INPP4B: variants seen among roughly 807,000 people sequenced by gnomAD.
INPP4B encodes the protein inositol polyphosphate-4-phosphatase type II B, also known as inositol polyphosphate 4-phosphatase type II.
In INPP4B, 55 loss-of-function variants were observed where a neutral mutation model predicts 122.5. That is an observed-to-expected ratio of 0.45 (90% CI 0.36 to 0.56). INPP4B has a LOEUF of 0.56. Among genes scored for constraint, INPP4B ranks in the 20% least tolerant of loss-of-function variants. INPP4B has a pLI of 0.00. For synonymous variants in INPP4B, 403 were observed against 388.7 expected (o/e 1.04, Z -0.43); for missense variants, 1,000 against 1,097.7 (o/e 0.91, Z 1.26).
At chr4:142,644,905 C>CAAAAAA (rs72460445) in intron 2 of INPP4B, among the ~76,000 whole-genome samples, 10 of 66,142 alleles carry the variant, frequency 1.5e-4, no homozygotes, top group Admixed American at 8.4e-4. Flanking sequence ...GACTCCATCT[C>CAAAAAA]AAAAAAAAAA....
intron 2 of INPP4B, among the ~76,000 whole-genome samples, chr4:142,564,789 G>T (rs1731274431): frequency 6.6e-6 from 1 of 152,050 alleles, no homozygotes; most frequent in African/African-American, 2.4e-5. Flanking sequence ...GGGAATGGGA[G>T]GAGTCCAGTA....
chr4:142,754,109 G>A (rs986901292), intron 1 of INPP4B, among the ~76,000 whole-genome samples: 3 of 152,024 alleles, frequency 2.0e-5, no homozygotes, highest in Non-Finnish European at 4.4e-5. Context: ...GATGCCAATT[G>A]TGCTTGTTTC....
chr4:142,369,121 G>T (rs1788732917), intron 7 of INPP4B, among the ~76,000 whole-genome samples: 1 of 151,998 alleles, frequency 6.6e-6, no homozygotes, highest in East Asian at 1.9e-4. Context: ...AGTATCCAGG[G>T]GTTACACTTG....
chr4:142,415,846 CT>C (rs960842549), intron 5 of INPP4B, among the ~76,000 whole-genome samples: 2 of 152,052 alleles, frequency 1.3e-5, no homozygotes, highest in African/African-American at 4.8e-5. Flanking sequence ...AGTTCATGTC[CT>C]TTGTAGGGAC....
At chr4:142,671,011 A>G (rs889178566) in intron 2 of INPP4B, among the ~76,000 whole-genome samples, 2 of 152,088 alleles carry the variant, frequency 1.3e-5, no homozygotes, top group Non-Finnish European at 1.5e-5. Flanking sequence ...AAGCAAGACT[A>G]CCCTAATCTT....
chr4:142,279,072 T>A (rs1421545513), intron 9 of INPP4B, among the ~76,000 whole-genome samples: 1 of 151,944 alleles, frequency 6.6e-6, no homozygotes, highest in Non-Finnish European at 1.5e-5. Context: ...ATAAATAAAA[T>A]GTTTAGGAGT....
chr4:142,283,367 G>A (rs554310925), intron 9 of INPP4B, among the ~76,000 whole-genome samples: 2 of 152,198 alleles, frequency 1.3e-5, no homozygotes, highest in South Asian at 2.1e-4. Flanking sequence ...ATTATCATTA[G>A]GTCGTTGGAT....
chr4:142,522,424 T>C (rs539123306), intron 2 of INPP4B, among the ~76,000 whole-genome samples: 1 of 145,018 alleles, frequency 6.9e-6, no homozygotes, highest in African/African-American at 2.6e-5. Context: ...CACAGAGCAC[T>C]GCAGCTTTGA....
At chr4:142,644,278 G>T (rs531514388) in intron 2 of INPP4B, among the ~76,000 whole-genome samples, 2 of 147,628 alleles carry the variant, frequency 1.4e-5, no homozygotes, top group African/African-American at 5.0e-5. Context: ...GAGGAGGAGT[G>T]GGGGAGGAGG....
At position 142,537,419 on chromosome 4, in the gene INPP4B, TATATATATATAGAGAGAGAGAGAG is replaced by T. The variant is rs1175684256; in HGVS notation, c.-190-74717_-190-74694del. 6.2e-3 allele frequency among the ~76,000 whole-genome samples: 323 copies of T among 52,154 alleles called. 4 individuals carry two copies. The highest frequency in any genetic ancestry group is 0.019 in the African/African-American group (300 of 15,600). The allele number at this position is 52,154 out of a possible 152,430, so 34.2% of individuals were successfully genotyped here. ...CATACAGTATATATATATATATATA[TATATATATATAGAGAGAGAGAGAG>T]AGAGAGAGAGAGAGAGAGAGAGAGA... On this transcript the variant is annotated intron_variant, in intron 2 of 25. Transcript: ENST00000262992.
intron 11 of INPP4B, among the ~76,000 whole-genome samples, chr4:142,240,152 C>T (rs1858634446): frequency 6.7e-6 from 1 of 148,926 alleles, no homozygotes; most frequent in African/African-American, 2.5e-5. Flanking sequence ...ATCTTCCTGT[C>T]TCATCCTCCC....
intron 2 of INPP4B, among the ~76,000 whole-genome samples, chr4:142,664,467 A>T (rs1755692093): frequency 6.6e-6 from 1 of 152,082 alleles, no homozygotes; most frequent in Non-Finnish European, 1.5e-5. Context: ...GGACAATTCA[A>T]AAGCCAAAGG....
At chr4:142,531,502 G>A (rs1041531306) in intron 2 of INPP4B, among the ~76,000 whole-genome samples, 5 of 151,932 alleles carry the variant, frequency 3.3e-5, no homozygotes, top group African/African-American at 1.2e-4. Context: ...TGGAAAAGCT[G>A]CCACATGTAG....
chr4:142,834,030 C>A (rs1215618134), intron 1 of INPP4B, among the ~76,000 whole-genome samples: 1 of 152,106 alleles, frequency 6.6e-6, no homozygotes, highest in East Asian at 1.9e-4. Flanking sequence ...AGATTTTGTA[C>A]TAGTTAGTAT....
chr4:142,255,819 C>T (rs1189085995), intron 11 of INPP4B, among the ~76,000 whole-genome samples: 10 of 151,610 alleles, frequency 6.6e-5, no homozygotes, highest in East Asian at 3.9e-4. Context: ...AACAAGGATA[C>T]CCAGGAATTG....
At chr4:142,639,008 T>A (rs1749793397) in intron 2 of INPP4B, among the ~76,000 whole-genome samples, 1 of 152,190 alleles carries the variant, frequency 6.6e-6, no homozygotes, top group African/African-American at 2.4e-5. Context: ...TTAGTCAAAT[T>A]TTTTTGTTTT....
intron 8 of INPP4B, chr4:142,306,024 T>A: frequency 1.5e-6 from 1 of 667,496 alleles, no homozygotes; most frequent in Non-Finnish European, 1.9e-6. Flanking sequence ...TTTTCCCCCA[T>A]CACAGCAATG....
chr4:142,626,191 C>T (rs1404682606), intron 2 of INPP4B, among the ~76,000 whole-genome samples: 1 of 152,092 alleles, frequency 6.6e-6, no homozygotes, highest in Non-Finnish European at 1.5e-5. Flanking sequence ...TCAGAGTGAA[C>T]AGGCAACCTA....
At chr4:142,453,894 CT>C (rs1347099159) in intron 3 of INPP4B, among the ~76,000 whole-genome samples, 1 of 152,084 alleles carries the variant, frequency 6.6e-6, no homozygotes, top group Non-Finnish European at 1.5e-5. Context: ...ATTGTTCCAC[CT>C]GCAAATTCAT....
Sources: gnomAD v4.1 joint callset for allele counts (sites outside exome capture counted in the v4.1 genomes callset) on GRCh38, gnomAD v4.1.1 for gene constraint, MANE v1.5 for transcripts, NCBI Gene and HGNC (gene_info 2026-07-23, HGNC 2026-07-21) for gene names.